TTLL5: variants seen among roughly 807,000 people sequenced by gnomAD.
TTLL5 encodes the protein tubulin polyglutamylase TTLL5.
TTLL5 carries 132 observed loss-of-function variants against 168.4 expected under a neutral mutation model. That is an observed-to-expected ratio of 0.78 (90% confidence interval 0.68 to 0.91). The LOEUF is 0.91. Among genes scored for constraint, TTLL5 ranks in the 40% least tolerant of loss-of-function variants. The pLI is 0.00. For synonymous variants in TTLL5, 546 were observed against 558.6 expected (o/e 0.98, Z 0.32); for missense variants, 1,545 against 1,581.5 (o/e 0.98, Z 0.39).
At position 75,954,676 on chromosome 14, in the gene TTLL5, G is replaced by C; in HGVS notation, c.*230G>C. On this transcript the variant is annotated 3_prime_UTR_variant, in exon 32 of 32. Coordinates refer to ENST00000298832, the MANE Select transcript of TTLL5 (RefSeq NM_015072.5). ...TGGGTTTTGATGGAACTTGGCAGTG[G>C]GGACATTCAGCTGATGCATTATATA... The C allele has an allele frequency of 1.7e-6, 1 of 587,872 alleles. No individual in the cohort carries two copies. Among genetic ancestry groups the C allele is most frequent in the Non-Finnish European group, 3.0e-6 (1 of 330,314 alleles). The allele number at this position is 587,872 out of a possible 1,614,324, so 36.4% of individuals were successfully genotyped here.
At chr14:75,681,263 A>T (rs1237963174) in intron 3 of TTLL5, among the ~76,000 whole-genome samples, 1 of 152,198 alleles carries the variant, frequency 6.6e-6, no homozygotes, top group Non-Finnish European at 1.5e-5. Flanking sequence ...GATAATGTTA[A>T]TACTGCCTGT....
At chr14:75,852,424 C>T (rs576581018) in intron 28 of TTLL5, among the ~76,000 whole-genome samples, 8 of 152,324 alleles carry the variant, frequency 5.3e-5, no homozygotes, top group Middle Eastern at 3.4e-3. Context: ...TCACCCTGTT[C>T]TCAAGCAAGG....
chr14:75,836,314 CACTT>C (rs1310561273), intron 28 of TTLL5, among the ~76,000 whole-genome samples: 1 of 151,302 alleles, frequency 6.6e-6, no homozygotes, highest in Non-Finnish European at 1.5e-5. Flanking sequence ...TGCATGTTCT[CACTT>C]ACTTGTGGGA....
At position 75,783,401 on chromosome 14, in the gene TTLL5, A is replaced by C; in HGVS notation, c.2857A>C (p.Asn953His). ...TCCCTGCCTACATCCCGGGGCACAGAACATCCCAAGCCCTACTGGCCTGCC... is the reference window on the plus strand; with the variant it reads ...TCCCTGCCTACATCCCGGGGCACAGCACATCCCAAGCCCTACTGGCCTGCC... ...ASPCLHPGAQ[N>H]IPSPTGLPRC... Residue 953 changes from asparagine (N) to histidine (H), a missense_variant, in exon 26 of 32, where the codon AAC becomes CAC. Transcript: ENST00000298832. 6.2e-7 allele frequency: 1 copy of C among 1,614,194 alleles called. No individual in the cohort carries two copies. Among genetic ancestry groups the C allele is most frequent in the Non-Finnish European group, 8.5e-7 (1 of 1,180,024 alleles).
chr14:75,685,722 G>A (rs547633575), intron 5 of TTLL5, among the ~76,000 whole-genome samples: 1 of 152,330 alleles, frequency 6.6e-6, no homozygotes, highest in South Asian at 2.1e-4. Context: ...TAGAGAAGGT[G>A]TATATTTGAG....
Position 75,669,493 on chromosome 14 carries a change from C to T in TTLL5, c.152C>T (p.Thr51Ile), listed in dbSNP as rs1457682621. The part of the protein sequence containing the change: ...VLVFHADAIL[T>I]KDNNIRVIGE... ...GTATTCCATGCCGACGCTATTCTTA[C>T]AAAGGACAACAATATTAGAGTAATT... Residue 51 changes from threonine (T) to isoleucine (I), a missense_variant, in exon 3 of 32, where the codon ACA becomes ATA. Thr to Ile is a moderately conservative substitution (Grantham distance 89). Transcript: ENST00000298832. 4 of 1,614,066 alleles carry T rather than the reference C, an allele frequency of 2.5e-6. No homozygotes were observed. Among genetic ancestry groups the T allele is most frequent in the South Asian group, 2.2e-5 (2 of 91,076 alleles).
intron 31 of TTLL5, among the ~76,000 whole-genome samples, chr14:75,932,774 G>T (rs1357231843): frequency 1.3e-5 from 2 of 152,200 alleles, no homozygotes; most frequent in Admixed American, 6.5e-5. Flanking sequence ...CTGTGTGTGT[G>T]TGTGTCAGGT....
intron 20 of TTLL5, 94 bp downstream of exon 20, chr14:75,766,462 C>A: frequency 1.7e-6 from 2 of 1,161,914 alleles, no homozygotes; most frequent in Non-Finnish European, 2.4e-6. Context: ...AGTCATTTTT[C>A]ATTTAATATT....
At chr14:75,741,526 CT>C (rs757442784) in intron 15 of TTLL5, among the ~76,000 whole-genome samples, 3,726 of 136,858 alleles carry the variant, frequency 0.027, 24 homozygotes, top group Middle Eastern at 0.072. Flanking sequence ...AGTCTGATTC[CT>C]TTTTTTTTTT....
chr14:75,860,438 T>C (rs909098222), intron 28 of TTLL5, among the ~76,000 whole-genome samples: 4 of 152,238 alleles, frequency 2.6e-5, no homozygotes, highest in Admixed American at 2.0e-4. Context: ...CATAGTTATA[T>C]AAATACTGTA....
At chr14:75,856,916 A>T (rs180752105) in intron 28 of TTLL5, among the ~76,000 whole-genome samples, 7 of 151,998 alleles carry the variant, frequency 4.6e-5, no homozygotes, top group South Asian at 2.1e-4. Context: ...GAGTCACCAC[A>T]CCCAGCCGAG....
chr14:75,707,823 A>T, intron 9 of TTLL5, 116 bp downstream of exon 9: 1 of 894,362 alleles, frequency 1.1e-6, no homozygotes. Flanking sequence ...ACTTGTCATT[A>T]CTGCTTACAG....
chr14:75,819,353 A>G (rs962697888), intron 27 of TTLL5, among the ~76,000 whole-genome samples: 6 of 152,220 alleles, frequency 3.9e-5, no homozygotes, highest in African/African-American at 1.4e-4. Flanking sequence ...ACCCTTTGCC[A>G]TTTGTGGATA....
chr14:75,944,608 T>G (rs992190945), intron 31 of TTLL5, among the ~76,000 whole-genome samples: 5 of 152,134 alleles, frequency 3.3e-5, no homozygotes, highest in African/African-American at 1.2e-4. Flanking sequence ...AAGGTTACAG[T>G]AGGTAGTCAG....
At chr14:75,717,816 CTT>C in intron 9 of TTLL5, 43 bp from the exon 10 acceptor site, 1 of 1,577,850 alleles carries the variant, frequency 6.3e-7, no homozygotes, top group Non-Finnish European at 8.7e-7. Context: ...CCTGTATTTC[CTT>C]GAAACTCTGT....
chr14:75,909,807 G>A (rs1213881178), intron 31 of TTLL5, among the ~76,000 whole-genome samples: 1 of 152,250 alleles, frequency 6.6e-6, no homozygotes, highest in African/African-American at 2.4e-5. Flanking sequence ...TGACCTGGCT[G>A]TAGCCACACA....
chr14:75,944,639 GGCT>G (rs2034712129), intron 31 of TTLL5, among the ~76,000 whole-genome samples: 1 of 152,188 alleles, frequency 6.6e-6, no homozygotes, highest in Non-Finnish European at 1.5e-5. Flanking sequence ...GGCAAGAGAG[GGCT>G]CCTGCCCTAC....
chr14:75,952,590 C>G (rs1459357604), intron 31 of TTLL5, among the ~76,000 whole-genome samples: 1 of 151,980 alleles, frequency 6.6e-6, no homozygotes, highest in Non-Finnish European at 1.5e-5. Flanking sequence ...TATTAATAGC[C>G]AAGAGGTAGA....
At chr14:75,848,589 C>T (rs1482391765) in intron 28 of TTLL5, among the ~76,000 whole-genome samples, 1 of 152,196 alleles carries the variant, frequency 6.6e-6, no homozygotes, top group Non-Finnish European at 1.5e-5. Flanking sequence ...TCTTAAAGGT[C>T]ATTCTTTGCT....
Sources: allele counts gnomAD v4.1 joint callset (sites outside exome capture counted in the v4.1 genomes callset), GRCh38; gene constraint gnomAD v4.1.1; transcripts MANE v1.5; gene names NCBI Gene and HGNC (gene_info 2026-07-23, HGNC 2026-07-21).